Variants in MEX3D observed in about 807,000 individuals in gnomAD.
The protein encoded by MEX3D is RNA-binding protein MEX3D.
MEX3D carries 4 observed loss-of-function variants against 6.3 expected under a neutral mutation model. The ratio of observed to expected loss-of-function variants is 0.64; its 90% CI spans 0.31 to 1.46. MEX3D has a LOEUF of 1.46. MEX3D is among the 40% of genes most tolerant of loss of function. The pLI is 0.07. For missense variants in MEX3D, 1,038 were observed against 994.4 expected (o/e 1.04, Z -0.59); for synonymous variants, 626 against 494.1 (o/e 1.27, Z -3.54).
rs750527570 is a variant in MEX3D at position 1,555,674 on chromosome 19, G to A, written c.1845C>T (p.Cys615=). The A allele has an allele frequency of 3.5e-5, 56 of 1,578,124 alleles. 1 individual carries two copies. In the South Asian group the frequency reaches 5.7e-4, roughly 16 times the overall value. Residue 615 remains cysteine (C), a synonymous_variant, in exon 2 of 2, where the codon TGC becomes TGT. Transcript: ENST00000402693. ...AGTCCATGCAGAAGAGGTTGTGGCC[G>A]CAGGGGACCAGCGCAGCCATCACCT... ...EGEVMAALVP[C]GHNLFCMDCA... is the part of the protein sequence containing the mutation.
chr19:1,562,851 C>T (rs186517459), intron 1 of MEX3D, among the ~76,000 whole-genome samples: 28 of 151,990 alleles, frequency 1.8e-4, no homozygotes, highest in African/African-American at 6.5e-4. Flanking sequence ...CCCGTCTCTA[C>T]TAAAAATACA....
rs769108168 is a variant in MEX3D, at chr19:1,555,624, C to G, written c.1895G>C (p.Ser632Thr). The change falls in exon 2 of 2, where the codon AGC becomes ACC. Residue 632 changes from serine to threonine, a missense_variant. Around this residue, in one of 5 missense-constraint regions of MEX3D, gnomAD observed 581 missense variants for 516.2 expected, o/e 1.13. Coordinates refer to ENST00000402693, the MANE Select transcript of MEX3D (RefSeq NM_203304.4). ...GCGGCAGGCGGGACACTCGGGCTCG[C>G]TCTTGCCGCAGATGCGGACGGCGCA... ...MDCAVRICGK[S>T]EPECPACRTP... is the part of the protein sequence containing the mutation. 1 of 1,591,588 alleles carries G rather than the reference C, an allele frequency of 6.3e-7. No individual in the cohort carries two copies. Among genetic ancestry groups the G allele is most frequent in the Admixed American group, 1.7e-5 (1 of 57,670 alleles).
chr19:1,559,047 G>A (rs1220514101), intron 1 of MEX3D, among the ~76,000 whole-genome samples: 1 of 151,584 alleles, frequency 6.6e-6, no homozygotes, highest in South Asian at 2.1e-4. Context: ...GAGTGCAGTG[G>A]TGTGATCATA....
In MEX3D at chr19:1,556,197, G is replaced by T; in HGVS notation, c.1322C>A (p.Ala441Asp). ...GTCGGGGGCGGCCGTCCCCACCGGG[G>T]CACCGGGACCCTCCGCGCCGAAGGC... ...GFAFGAEGPG[A>D]PVGTAAPDDC... The change falls in exon 2 of 2, where the codon GCC becomes GAC. Residue 441 changes from alanine (A) to aspartate (D), a missense_variant. Physicochemically the swap from Ala to Asp is moderately radical, Grantham distance 126 (BLOSUM62 -2). Around this residue, in one of 5 missense-constraint regions of MEX3D, gnomAD observed 581 missense variants for 516.2 expected, o/e 1.13. Coordinates refer to ENST00000402693, the MANE Select transcript of MEX3D (RefSeq NM_203304.4). This position sits in a 1 kb window ranked among gnomAD's most constrained non-coding sequence, Gnocchi z 7.5. 2 of 1,446,632 alleles carry T rather than the reference G, an allele frequency of 1.4e-6. No homozygotes were observed. The highest frequency in any genetic ancestry group is 1.8e-6 in the Non-Finnish European group (2 of 1,099,940). The allele number at this position is 1,446,632 out of a possible 1,614,324, so 89.6% of individuals were successfully genotyped here.
intron 1 of MEX3D, among the ~76,000 whole-genome samples, chr19:1,562,221 A>G (rs968570610): frequency 6.8e-6 from 1 of 147,106 alleles, no homozygotes; most frequent in Non-Finnish European, 1.5e-5. Flanking sequence ...AGATCGCGCC[A>G]CTGCACTCTA....
chr19:1,556,346 G>A lies in MEX3D; in HGVS notation c.1173C>T (p.Arg391=), dbSNP rs760888462. ...TGGGGGCGCCCAGGGCCGTGTCCCC[G>A]CGGAGGCCGGCCGTGGCCGTGGGGG... ...RRPPTATAGL[R]GDTALGAPSA... Residue 391 remains arginine, a synonymous_variant, in exon 2 of 2, where the codon CGC becomes CGT. Transcript: ENST00000402693. This position sits in a 1 kb window ranked among gnomAD's most constrained non-coding sequence, Gnocchi z 7.5. The A allele has an allele frequency of 2.0e-5, 29 of 1,415,098 alleles. No individual in the cohort carries two copies. The African/African-American group carries it at 4.1e-4, about 20-fold the overall frequency. 87.7% of individuals were successfully genotyped at this position (1,415,098 alleles called of 1,614,324 possible). A position where few individuals can be genotyped will look rare whatever the true frequency, so the allele number is the denominator to read the frequency against.
intron 1 of MEX3D, among the ~76,000 whole-genome samples, chr19:1,562,260 C>CAA (rs34005757): frequency 1.1e-4 from 11 of 99,828 alleles, no homozygotes; most frequent in East Asian, 2.8e-4. Context: ...GACTCCGTCT[C>CAA]AAAAAAAAAA....
Position 1,567,732 on chromosome 19 carries a change from G to A in MEX3D, c.327C>T (p.Ala109=). 3 of 990,576 alleles carry A rather than the reference G, an allele frequency of 3.0e-6. No homozygotes were observed. Among genetic ancestry groups the A allele is most frequent in the South Asian group, 9.2e-5 (2 of 21,754 alleles). The allele number at this position is 990,576 out of a possible 1,614,324, so 61.4% of individuals were successfully genotyped here. A position where few individuals can be genotyped will look rare whatever the true frequency, so the allele number is the denominator to read the frequency against. The stretch of plus-strand genomic sequence containing the variant: ...CGGGGGCCAGGGTCGGGGGCGCGCC[G>A]GCCTCAGGTCCGTCGGGGGGCACAG... ...PEPVPPDGPE[A]GAPPTLAPAV... is the part of the protein sequence containing the mutation. Residue 109 remains alanine (A), a synonymous_variant, in exon 1 of 2, where the codon GCC becomes GCT. Transcript: ENST00000402693. The surrounding 1 kb of genome is among the most constrained non-coding windows in gnomAD (Gnocchi z 6.5).
chr19:1,556,158 C>A lies in MEX3D; in HGVS notation c.1361G>T (p.Gly454Val). The change falls in exon 2 of 2, where the codon GGC becomes GTC. Residue 454 changes from glycine (G) to valine (V), a missense_variant. Around this residue, in one of 5 missense-constraint regions of MEX3D, gnomAD observed 581 missense variants for 516.2 expected, o/e 1.13. Transcript: ENST00000402693. This position sits in a 1 kb window ranked among gnomAD's most constrained non-coding sequence, Gnocchi z 7.5. ...GTAAPDDCDF[G>V]FDFDFLALDL... The stretch of plus-strand genomic sequence containing the variant: ...CAGCGCCAGGAAGTCGAAGTCGAAG[C>A]CGAAGTCGCAGTCGTCGGGGGCGGC... 6.8e-7 allele frequency: 1 copy of A among 1,471,662 alleles called. No homozygotes were observed. Among genetic ancestry groups the A allele is most frequent in the South Asian group, 1.2e-5 (1 of 81,652 alleles). 91.2% of individuals were successfully genotyped at this position (1,471,662 alleles called of 1,614,324 possible). A position where few individuals can be genotyped will look rare whatever the true frequency, so the allele number is the denominator to read the frequency against.
chr19:1,558,743 G>GC (rs1321186598), intron 1 of MEX3D, among the ~76,000 whole-genome samples: 2 of 152,220 alleles, frequency 1.3e-5, no homozygotes, highest in Non-Finnish European at 2.9e-5. Context: ...CGAGGTCTCG[G>GC]CCCGACTGCA....
rs1914912623 is a variant in MEX3D, at chr19:1,568,311, C to CG, written c.-254dup. On this transcript the variant is annotated 5_prime_UTR_variant, in exon 1 of 2. Transcript: ENST00000402693. ...ACGGCGGCGGCGGCTCCTCGGCGGCCGAGGCGGCGGCGGCGGCGCGGGACG... is the reference window on the plus strand; with the variant it reads ...ACGGCGGCGGCGGCTCCTCGGCGGCCGGAGGCGGCGGCGGCGGCGCGGGACG... Among the ~76,000 whole-genome samples, 2 of 139,476 alleles carry CG rather than the reference C, an allele frequency of 1.4e-5. No homozygotes were observed. Among genetic ancestry groups the CG allele is most frequent in the Non-Finnish European group, 3.2e-5 (2 of 63,488 alleles). 91.5% of individuals were successfully genotyped at this position (139,476 alleles called of 152,430 possible).
At chr19:1,561,677 G>T (rs954928753) in intron 1 of MEX3D, among the ~76,000 whole-genome samples, 1 of 151,800 alleles carries the variant, frequency 6.6e-6, no homozygotes, top group Non-Finnish European at 1.5e-5. Context: ...TCTCTATAAA[G>T]GGTGTCACCT....
intron 1 of MEX3D, among the ~76,000 whole-genome samples, chr19:1,559,025 T>C (rs1437838888): frequency 1.3e-5 from 2 of 151,988 alleles, no homozygotes; most frequent in Non-Finnish European, 2.9e-5. Flanking sequence ...CTCACTCTTG[T>C]TACCCAGGCT....
rs1914515178 is a variant in MEX3D, at chr19:1,555,715, C to T, written c.1804G>A (p.Val602Met). 1 of 1,543,404 alleles carries T rather than the reference C, an allele frequency of 6.5e-7. No homozygotes were observed. Among genetic ancestry groups the T allele is most frequent in the African/African-American group, 1.4e-5 (1 of 71,940 alleles). ...SAPALARECV[V>M]CAEGEVMAAL... ...GCCATCACCTCGCCCTCGGCGCACA[C>T]CACGCACTCTCGCGCCAGGGCCGGG... Residue 602 changes from valine to methionine, a missense_variant, in exon 2 of 2, where the codon GTG (valine) becomes ATG (methionine). Around this residue, in one of 5 missense-constraint regions of MEX3D, gnomAD observed 581 missense variants for 516.2 expected, o/e 1.13. Transcript: ENST00000402693.
chr19:1,556,402 A>C lies in MEX3D; in HGVS notation c.1117T>G (p.Trp373Gly), dbSNP rs563548573. The C allele has an allele frequency of 6.4e-7, 1 of 1,569,676 alleles. No homozygotes were observed. The highest frequency in any genetic ancestry group is 1.1e-5 in the South Asian group (1 of 88,430). ...CGTCCCTGGTTGGGGGTCTTGGCCC[A>C]GAGGCTGGCGGCCGCCCCGAGCAGG... is the stretch of plus-strand genomic sequence containing the variant. ...LDLLGAAASL[W>G]AKTPNQGRRP... Residue 373 changes from tryptophan (W) to glycine (G), a missense_variant, in exon 2 of 2, where the codon TGG becomes GGG. Physicochemically the swap from Trp to Gly is radical, Grantham distance 184. This residue lies in a region of MEX3D where 581 missense variants were observed against 516.2 expected (regional missense o/e 1.13). Transcript: ENST00000402693. The surrounding 1 kb of genome is among the most constrained non-coding windows in gnomAD (Gnocchi z 7.5).
At chr19:1,558,376 GAA>G (rs545203924) in intron 1 of MEX3D, among the ~76,000 whole-genome samples, 4 of 131,540 alleles carry the variant, frequency 3.0e-5, no homozygotes, top group Admixed American at 7.7e-5. Flanking sequence ...AAAAAAGAAG[GAA>G]AAAAAAAAAA....
Position 1,555,581 on chromosome 19 carries a change from G to C in MEX3D, c.1938C>G (p.Ala646=), listed in dbSNP as rs1914507853. The C allele has an allele frequency of 6.3e-7, 1 of 1,586,286 alleles. No homozygotes were observed. Among genetic ancestry groups the C allele is most frequent in the African/African-American group, 1.3e-5 (1 of 74,114 alleles). The change falls in exon 2 of 2, where the codon GCC becomes GCG. Residue 646 remains alanine, a synonymous_variant. Transcript: ENST00000402693. The part of the protein sequence containing the change: ...CPACRTPATQ[A]IHIFS Reference sequence around the variant, plus strand: ...CCGCGCTCTAGGAAAAGATATGAATGGCCTGGGTGGCCGGCGTGCGGCAGG... The same window carrying C: ...CCGCGCTCTAGGAAAAGATATGAATCGCCTGGGTGGCCGGCGTGCGGCAGG...
intron 1 of MEX3D, among the ~76,000 whole-genome samples, chr19:1,565,267 C>T (rs1302713432): frequency 3.9e-5 from 6 of 152,126 alleles, no homozygotes; most frequent in Admixed American, 2.6e-4. Context: ...ACTGGCCGTG[C>T]GCAGTGGCTC....
At chr19:1,558,873 C>T (rs1193367198) in intron 1 of MEX3D, among the ~76,000 whole-genome samples, 1 of 152,064 alleles carries the variant, frequency 6.6e-6, no homozygotes, top group Non-Finnish European at 1.5e-5. Context: ...ACATGAGTGT[C>T]AGTGTGGGAG....
Sources: gnomAD v4.1 joint callset for allele counts (sites outside exome capture counted in the v4.1 genomes callset) on GRCh38, gnomAD v4.1.1 for gene constraint, gnomAD v4.1.1 regional missense constraint, Gnocchi (gnomAD v3.1) non-coding constraint, MANE v1.5 for transcripts, NCBI Gene and HGNC (gene_info 2026-07-23, HGNC 2026-07-21) for gene names.